The following UBR1 variants were observed in gnomAD, a reference collection of about 807,000 sequenced individuals.
The protein encoded by UBR1 is E3 ubiquitin-protein ligase UBR1.
UBR1 carries 102 observed loss-of-function variants against 242.1 expected under a neutral mutation model. That is an observed-to-expected ratio of 0.42 (90% CI 0.36 to 0.50). The LOEUF (loss-of-function observed/expected upper bound fraction) is 0.50, where lower values mean the gene tolerates loss of function less well. UBR1 is among the 20% of genes least tolerant of loss of function. The probability of loss-of-function intolerance (pLI) is 0.01; values close to 1 mark genes in which losing one functional copy is unlikely to be tolerated. For synonymous variants in UBR1, 675 were observed against 684.8 expected (o/e 0.99, Z 0.22); for missense variants, 1,772 against 2,101.8 (o/e 0.84, Z 3.07).
chr15:43,005,824 C>A (rs2032817202), intron 30 of UBR1, among the ~76,000 whole-genome samples: 1 of 150,454 alleles, frequency 6.6e-6, no homozygotes, highest in Non-Finnish European at 1.5e-5. Context: ...GTGCTGTGTC[C>A]ACTCAGGGTT....
intron 33 of UBR1, among the ~76,000 whole-genome samples, chr15:42,996,239 A>G (rs1291395965): frequency 6.6e-6 from 1 of 152,118 alleles, no homozygotes; most frequent in African/African-American, 2.4e-5. Flanking sequence ...TTCCTCTTGT[A>G]TCATTCTTAA....
intron 35 of UBR1, among the ~76,000 whole-genome samples, chr15:42,988,255 T>A (rs2032504166): frequency 6.7e-6 from 1 of 149,208 alleles, no homozygotes; most frequent in Admixed American, 6.9e-5. Flanking sequence ...TTAATATAGA[T>A]ACTAAAGGAA....
At chr15:43,040,546 C>T (rs1208872844) in intron 15 of UBR1, among the ~76,000 whole-genome samples, 1 of 152,156 alleles carries the variant, frequency 6.6e-6, no homozygotes, top group Non-Finnish European at 1.5e-5. Context: ...TGGGCAAGGA[C>T]TTCATGTCTA....
chr15:43,052,268 C>T (rs372232883), intron 12 of UBR1, among the ~76,000 whole-genome samples: 6 of 152,134 alleles, frequency 3.9e-5, no homozygotes, highest in African/African-American at 1.4e-4. Context: ...AAATGCAACT[C>T]AATGCAGAAA....
intron 1 of UBR1, among the ~76,000 whole-genome samples, chr15:43,102,923 C>T (rs1476917174): frequency 6.6e-6 from 1 of 152,216 alleles, no homozygotes; most frequent in Non-Finnish European, 1.5e-5. Context: ...AATCCCACCA[C>T]TTTGGGAGGC....
intron 12 of UBR1, among the ~76,000 whole-genome samples, chr15:43,049,345 C>T (rs2033524214): frequency 6.6e-6 from 1 of 152,120 alleles, no homozygotes; most frequent in Admixed American, 6.6e-5. Context: ...AGGTGGATCA[C>T]GAGGTCAGGA....
intron 14 of UBR1, among the ~76,000 whole-genome samples, chr15:43,046,586 T>TA (rs1336684470): frequency 6.6e-6 from 1 of 152,086 alleles, no homozygotes; most frequent in Non-Finnish European, 1.5e-5. Context: ...CAGAAAAACT[T>TA]AGTCACTGAA....
chr15:43,034,048 G>C (rs374738459), intron 19 of UBR1, among the ~76,000 whole-genome samples: 4 of 152,126 alleles, frequency 2.6e-5, no homozygotes, highest in African/African-American at 9.6e-5. Context: ...AATCAGCCTG[G>C]CCAACATGGT....
At chr15:43,098,301 A>G (rs1274785066) in intron 1 of UBR1, among the ~76,000 whole-genome samples, 2 of 152,268 alleles carry the variant, frequency 1.3e-5, no homozygotes, top group African/African-American at 4.8e-5. Flanking sequence ...ATCACAGATC[A>G]TCATAACAGA....
intron 30 of UBR1, among the ~76,000 whole-genome samples, chr15:43,006,429 A>G (rs1025929107): frequency 3.3e-5 from 5 of 152,130 alleles, no homozygotes; most frequent in African/African-American, 1.2e-4. Flanking sequence ...GGCTCATGCA[A>G]CCATGCCTGG....
chr15:43,060,681 T>C (rs2141338363), intron 6 of UBR1, among the ~76,000 whole-genome samples: 1 of 152,274 alleles, frequency 6.6e-6, no homozygotes, highest in Admixed American at 6.5e-5. Flanking sequence ...CTTCCTCATT[T>C]AACCTTTACA....
At chr15:43,006,966 T>C in intron 30 of UBR1, 113 bp downstream of exon 30, 1 of 956,916 alleles carries the variant, frequency 1.0e-6, no homozygotes. Context: ...AATATGATAA[T>C]GGTATGGTAG....
At chr15:42,958,126 G>T in intron 43 of UBR1, 36 bp from the exon 44 acceptor site, 1 of 1,505,584 alleles carries the variant, frequency 6.6e-7, no homozygotes, top group Non-Finnish European at 9.2e-7. Context: ...TTATTTTAGA[G>T]TAAATAACCC....
chr15:42,987,437 C>T (rs527593432), intron 35 of UBR1, among the ~76,000 whole-genome samples: 8 of 152,238 alleles, frequency 5.3e-5, no homozygotes, highest in Non-Finnish European at 7.4e-5. Flanking sequence ...GCTTCAAGGC[C>T]GGGTGTGGTG....
intron 39 of UBR1, among the ~76,000 whole-genome samples, chr15:42,974,202 T>C (rs2032253344): frequency 6.6e-6 from 1 of 152,168 alleles, no homozygotes; most frequent in South Asian, 2.1e-4. Flanking sequence ...TGTAGGAGTT[T>C]TATAGTTTTG....
At position 42,977,690 on chromosome 15, in the gene UBR1, T is replaced by C. The variant is rs74009231; in HGVS notation, c.4218+190A>G. Reference sequence around the variant, plus strand: ...TATTACAAATTGAAGTGCTTTTTTTTTTTTTTTTTAATGATTTTGACAGTC... The same window carrying C: ...TATTACAAATTGAAGTGCTTTTTTTCTTTTTTTTTAATGATTTTGACAGTC... On this transcript the variant is annotated intron_variant, in intron 38 of 46. Transcript: ENST00000290650. Among the ~76,000 whole-genome samples, 443 of 152,112 alleles carry C rather than the reference T, an allele frequency of 2.9e-3. 4 individuals carry two copies. The highest frequency in any genetic ancestry group is 0.01 in the African/African-American group (431 of 41,498).
At chr15:43,071,915 T>C (rs1330433151) in intron 4 of UBR1, among the ~76,000 whole-genome samples, 1 of 152,156 alleles carries the variant, frequency 6.6e-6, no homozygotes, top group Non-Finnish European at 1.5e-5. Context: ...TTGGCCAAGA[T>C]GTAAAAAATA....
rs569992095 is a variant in UBR1 at position 43,067,924 on chromosome 15, A to G, written c.772T>C (p.Leu258=). ...TCTTTGTCAATGGCAGTGGTATGCA[A>G]CTGGGCCTCTGCGAGCTCACAGTCA... ...ALDCELAEAQ[L]HTTAIDKEGR... is the part of the protein sequence containing the mutation. The change falls in exon 6 of 47, where the codon TTG becomes CTG. Residue 258 remains leucine (L), a synonymous_variant. Transcript: ENST00000290650. 6.2e-7 allele frequency: 1 copy of G among 1,613,914 alleles called. No individual in the cohort carries two copies. The highest frequency in any genetic ancestry group is 1.7e-5 in the Admixed American group (1 of 59,990).
At chr15:42,987,117 C>T (rs891468977) in intron 35 of UBR1, among the ~76,000 whole-genome samples, 1 of 152,240 alleles carries the variant, frequency 6.6e-6, no homozygotes, top group Non-Finnish European at 1.5e-5. Context: ...CTGGCTCTGA[C>T]AAGGATGGTC....
Sources: allele counts gnomAD v4.1 joint callset (sites outside exome capture counted in the v4.1 genomes callset), GRCh38; gene constraint gnomAD v4.1.1; transcripts MANE v1.5; gene names NCBI Gene and HGNC (gene_info 2026-07-23, HGNC 2026-07-21).